Variants in STK39 observed in about 807,000 individuals in gnomAD.
STK39 encodes the protein serine/threonine kinase 39.
In STK39, 20 loss-of-function variants were observed where a neutral mutation model predicts 77.8. That is an observed-to-expected ratio of 0.26 (90% confidence interval 0.18 to 0.37). The LOEUF is 0.37. Among genes scored for constraint, STK39 ranks in the 10% least tolerant of loss-of-function variants. The pLI is 1.00. For missense variants in STK39, 479 were observed against 656.5 expected, an observed-to-expected ratio of 0.73 and a Z score of 2.95; for synonymous variants, 246 against 234.1, an observed-to-expected ratio of 1.05 and a Z score of -0.47.
At chr2:168,151,295 A>G (rs1359705767) in intron 5 of STK39, among the ~76,000 whole-genome samples, 3 of 152,244 alleles carry the variant, frequency 2.0e-5, no homozygotes, top group Non-Finnish European at 4.4e-5. Flanking sequence ...ATCTTTTAAA[A>G]TAAAAGAAAC....
chr2:168,046,130 G>A (rs892451278), intron 14 of STK39, among the ~76,000 whole-genome samples: 15 of 152,192 alleles, frequency 9.9e-5, no homozygotes, highest in African/African-American at 2.4e-4. Flanking sequence ...CACTTTGGGA[G>A]GCTGAGGCGG....
intron 1 of STK39, among the ~76,000 whole-genome samples, chr2:168,208,592 C>T (rs1689801246): frequency 6.6e-6 from 1 of 152,212 alleles, no homozygotes; most frequent in Admixed American, 6.5e-5. Flanking sequence ...TCTCTAGTTC[C>T]AATGTCTTCT....
chr2:168,240,967 A>T (rs1478322926), intron 1 of STK39, among the ~76,000 whole-genome samples: 1 of 152,224 alleles, frequency 6.6e-6, no homozygotes, highest in Non-Finnish European at 1.5e-5. Flanking sequence ...GCCACAGAAG[A>T]GTCACAGTGA....
At chr2:168,170,015 A>C (rs1688784425) in intron 2 of STK39, among the ~76,000 whole-genome samples, 1 of 152,204 alleles carries the variant, frequency 6.6e-6, no homozygotes, top group African/African-American at 2.4e-5. Context: ...CACAAGCATT[A>C]ATGCTTAAGG....
chr2:168,158,639 C>A (rs529378923), intron 5 of STK39, among the ~76,000 whole-genome samples: 1 of 152,308 alleles, frequency 6.6e-6, no homozygotes, highest in Admixed American at 6.5e-5. Context: ...TAGAGTCAGA[C>A]TGTCCAAACC....
chr2:168,050,706 T>C (rs1015757476), intron 14 of STK39, among the ~76,000 whole-genome samples: 4 of 152,224 alleles, frequency 2.6e-5, no homozygotes, highest in South Asian at 2.1e-4. Flanking sequence ...TGCAGCCCTA[T>C]AGACACCTTG....
chr2:168,239,677 C>T (rs1415050644), intron 1 of STK39, among the ~76,000 whole-genome samples: 1 of 152,252 alleles, frequency 6.6e-6, no homozygotes, highest in Non-Finnish European at 1.5e-5. Flanking sequence ...ATCCCCAAAA[C>T]TCAGAACTTC....
Position 167,969,467 on chromosome 2 carries a change from CCTG to C in STK39, c.1499-4744_1499-4742del, listed in dbSNP as rs1305648645. ...CAGCTTATCTTTTGCCATTTCCTAC[CCTG>C]AATCCTCCCAGGAAAGGTTCCATAA... On this transcript the variant is annotated intron_variant, in intron 16 of 17. Coordinates refer to ENST00000355999, the MANE Select transcript of STK39 (RefSeq NM_013233.3). Among the ~76,000 whole-genome samples the C allele has an allele frequency of 2.6e-5, 4 of 152,158 alleles. 1 individual carries two copies. Among genetic ancestry groups the C allele is most frequent in the Non-Finnish European group, 5.9e-5 (4 of 68,018 alleles).
At chr2:168,026,795 T>A (rs1179372809) in intron 14 of STK39, among the ~76,000 whole-genome samples, 1 of 152,242 alleles carries the variant, frequency 6.6e-6, no homozygotes, top group African/African-American at 2.4e-5. Context: ...TAATCAGCTC[T>A]GTAGTCAATA....
intron 17 of STK39, among the ~76,000 whole-genome samples, chr2:167,961,493 T>A (rs1464859449): frequency 6.6e-6 from 1 of 152,196 alleles, no homozygotes; most frequent in African/African-American, 2.4e-5. Flanking sequence ...AGCAGGAAGA[T>A]TCACCTACTT....
chr2:168,244,717 T>C (rs1338889766), intron 1 of STK39, among the ~76,000 whole-genome samples: 1 of 152,234 alleles, frequency 6.6e-6, no homozygotes, highest in Non-Finnish European at 1.5e-5. Flanking sequence ...AATTTGATTT[T>C]TCAATAACAG....
intron 3 of STK39, among the ~76,000 whole-genome samples, chr2:168,165,709 C>T (rs1688679194): frequency 6.6e-6 from 1 of 151,948 alleles, no homozygotes; most frequent in South Asian, 2.1e-4. Flanking sequence ...GAGACCTACA[C>T]AAGCAGACCC....
rs180864306 is a variant in STK39 at position 168,020,207 on chromosome 2, T to A, written c.1377-3112A>T. The stretch of plus-strand genomic sequence containing the variant: ...AATTAAAATTGACAATTTAAAAAAA[T>A]TTATTAATTTGAAAATGACAACCCC... On this transcript the variant is annotated intron_variant, in intron 14 of 17. Transcript: ENST00000355999. 3.9e-5 allele frequency among the ~76,000 whole-genome samples: 6 copies of A among 152,336 alleles called. No individual in the cohort carries two copies. In the East Asian group the frequency reaches 7.7e-4, roughly 20 times the overall value.
chr2:168,012,433 A>T (rs763148632), intron 16 of STK39, among the ~76,000 whole-genome samples: 5 of 152,144 alleles, frequency 3.3e-5, no homozygotes, highest in Admixed American at 6.5e-5. Flanking sequence ...TTGGCCTCCC[A>T]AAGTGCTGGG....
At chr2:168,048,503 C>CGCCCG (rs34876128) in intron 14 of STK39, among the ~76,000 whole-genome samples, 29 of 150,494 alleles carry the variant, frequency 1.9e-4, no homozygotes, top group East Asian at 5.9e-4. Context: ...TGAGCCACCG[C>CGCCCG]GCCCGGCCCG....
chr2:168,072,301 G>A (rs1025480768), intron 12 of STK39, among the ~76,000 whole-genome samples: 1 of 152,164 alleles, frequency 6.6e-6, no homozygotes, highest in African/African-American at 2.4e-5. Context: ...ATAGTTACAG[G>A]GGTGAAAAGG....
chr2:168,171,857 C>CGT (rs1688835506), intron 2 of STK39, among the ~76,000 whole-genome samples: 1 of 93,510 alleles, frequency 1.1e-5, no homozygotes, highest in Admixed American at 1.1e-4. Flanking sequence ...CCCCCCACTC[C>CGT]CCCCTCCCCC....
chr2:168,020,797 T>C (rs1408378793), intron 14 of STK39, among the ~76,000 whole-genome samples: 6 of 152,112 alleles, frequency 3.9e-5, no homozygotes, highest in Non-Finnish European at 4.4e-5. Flanking sequence ...ACAAATTTAA[T>C]GAATGGCAGA....
intron 8 of STK39, among the ~76,000 whole-genome samples, chr2:168,136,470 T>A (rs1687844875): frequency 6.6e-6 from 1 of 151,854 alleles, no homozygotes; most frequent in African/African-American, 2.4e-5. Flanking sequence ...CCTAAAGAAA[T>A]ACACTATTAT....
Sources: gnomAD v4.1 joint callset for allele counts (sites outside exome capture counted in the v4.1 genomes callset) on GRCh38, gnomAD v4.1.1 for gene constraint, MANE v1.5 for transcripts, NCBI Gene and HGNC (gene_info 2026-07-23, HGNC 2026-07-21) for gene names.